The following SMAGP variants were observed in gnomAD, a reference collection of about 807,000 sequenced individuals.
The protein encoded by SMAGP is small cell transmembrane and glycosylated protein.
SMAGP carries 7 observed loss-of-function variants against 10.1 expected under a neutral mutation model. That is an observed-to-expected ratio of 0.70 (90% CI 0.40 to 1.31). The LOEUF is 1.31. Ranked by LOEUF, SMAGP falls within the 50% of genes most tolerant of loss-of-function variation. SMAGP has a pLI of 0.01. For synonymous variants in SMAGP, 49 were observed against 47.2 expected, an observed-to-expected ratio of 1.04 and a Z score of -0.16; for missense variants, 113 against 116.5, an observed-to-expected ratio of 0.97 and a Z score of 0.14.
intron 3 of SMAGP, chr12:51,246,466 C>T (rs1024698924): frequency 2.3e-6 from 1 of 429,248 alleles, no homozygotes; most frequent in East Asian, 3.6e-5. Context: ...CTTCCTCACC[C>T]ACTCAACCAA....
intron 2 of SMAGP, among the ~76,000 whole-genome samples, chr12:51,255,025 T>C (rs375099176): frequency 5.3e-5 from 8 of 152,146 alleles, no homozygotes; most frequent in African/African-American, 1.9e-4. Context: ...ATCAGATTTT[T>C]TTTATTATTT....
At chr12:51,258,984 CAAAAAAAAAAAA>C (rs35000436) in intron 2 of SMAGP, among the ~76,000 whole-genome samples, 2 of 50,978 alleles carry the variant, frequency 3.9e-5, no homozygotes, top group Admixed American at 3.0e-4. Context: ...CTGTCTCTAC[CAAAAAAAAAAAA>C]AAAAAAAAAA....
rs567969531 is a variant in SMAGP at position 51,247,473 on chromosome 12, G to A, written c.35-642C>T. ...TCTCCTCTACCCTAAAATAGATCCT[G>A]CACCCCCTCCTGCTACGGGTTTATT... On this transcript the variant is annotated intron_variant, in intron 2 of 3. Coordinates refer to ENST00000603798, the MANE Select transcript of SMAGP (RefSeq NM_001031628.2). 1.3e-3 allele frequency among the ~76,000 whole-genome samples: 192 copies of A among 152,098 alleles called. 1 individual carries two copies. The highest frequency in any genetic ancestry group is 4.0e-3 in the African/African-American group (168 of 41,504).
chr12:51,262,080 A>T (rs1435877215), intron 2 of SMAGP, among the ~76,000 whole-genome samples: 2 of 150,986 alleles, frequency 1.3e-5, no homozygotes, highest in Non-Finnish European at 3.0e-5. Flanking sequence ...CTCTCTGTGT[A>T]TTTTTTTTTA....
intron 2 of SMAGP, among the ~76,000 whole-genome samples, chr12:51,265,878 C>G (rs544511875): frequency 0.018 from 2,690 of 152,186 alleles, 84 homozygotes; most frequent in African/African-American, 0.061. Flanking sequence ...GTCAGGAGAT[C>G]AAGACCATCC....
chr12:51,246,465 C>A (rs538512656), intron 3 of SMAGP: 24 of 426,798 alleles, frequency 5.6e-5, no homozygotes, highest in African/African-American at 4.2e-4. Context: ...TCTTCCTCAC[C>A]CACTCAACCA....
At chr12:51,259,103 C>T (rs933445332) in intron 2 of SMAGP, among the ~76,000 whole-genome samples, 1 of 151,980 alleles carries the variant, frequency 6.6e-6, no homozygotes, top group Non-Finnish European at 1.5e-5. Context: ...CACTGCATGC[C>T]AGCCTGGCTG....
chr12:51,246,604 C>CTGTGTGTG (rs59561227), intron 3 of SMAGP, 147 bp downstream of exon 3: 9,504 of 337,666 alleles, frequency 0.028, 319 homozygotes, highest in African/African-American at 0.11. Flanking sequence ...TCTTTTATGG[C>CTGTGTGTG]TGTGTGTGTG....
At chr12:51,246,520 C>T (rs967550285) in intron 3 of SMAGP, 1 of 458,840 alleles carries the variant, frequency 2.2e-6, no homozygotes, top group Admixed American at 3.8e-5. Context: ...AGTGTAACGT[C>T]CGTATGCATA....
intron 3 of SMAGP, chr12:51,246,368 A>G: frequency 3.9e-6 from 2 of 511,618 alleles, no homozygotes; most frequent in Non-Finnish European, 3.4e-6. Flanking sequence ...CTGCCTCCCA[A>G]ACCAGTTCCT....
intron 2 of SMAGP, among the ~76,000 whole-genome samples, chr12:51,250,168 G>C (rs1054415196): frequency 7.1e-6 from 1 of 141,544 alleles, no homozygotes; most frequent in Non-Finnish European, 1.5e-5. Context: ...CCAGGAGTTT[G>C]AGACCAGCCT....
intron 2 of SMAGP, among the ~76,000 whole-genome samples, chr12:51,249,291 A>G (rs988894515): frequency 6.6e-6 from 1 of 152,150 alleles, no homozygotes; most frequent in African/African-American, 2.4e-5. Flanking sequence ...CAGCAAATTA[A>G]TTGAACTCCA....
At chr12:51,263,851 CTTTTAT>C (rs1162378502) in intron 2 of SMAGP, among the ~76,000 whole-genome samples, 1 of 151,914 alleles carries the variant, frequency 6.6e-6, no homozygotes, top group Non-Finnish European at 1.5e-5. Context: ...ATTTTCATTT[CTTTTAT>C]AATTAGAAGA....
chr12:51,249,407 G>A (rs932876060), intron 2 of SMAGP, among the ~76,000 whole-genome samples: 2 of 152,060 alleles, frequency 1.3e-5, no homozygotes, highest in Non-Finnish European at 2.9e-5. Context: ...AGCCTTGGGG[G>A]CCCAGACCTT....
Position 51,256,155 on chromosome 12 carries a change from C to G in SMAGP, c.35-9324G>C, listed in dbSNP as rs188614000. Among the ~76,000 whole-genome samples the G allele has an allele frequency of 9.9e-5, 15 of 152,186 alleles. No homozygotes were observed. In the East Asian group the frequency reaches 2.9e-3, roughly 29 times the overall value. On this transcript the variant is annotated intron_variant, in intron 2 of 3. Transcript: ENST00000603798. ...GTGAGATTCTGAATATAATCTGAAG[C>G]AAAGACGGACAGGATTGGATGTGGG...
At chr12:51,269,625 A>G (rs1018509598) in intron 1 of SMAGP, 3 of 228,782 alleles carry the variant, frequency 1.3e-5, no homozygotes, top group African/African-American at 6.7e-5. Flanking sequence ...AAGGTTCGCA[A>G]ATCAGCAGCG....
rs200401466 is a variant in SMAGP, at chr12:51,246,767, G to C, written c.99C>G (p.Ser33Arg). 6.3e-7 allele frequency: 1 copy of C among 1,588,418 alleles called. No individual in the cohort carries two copies. Among genetic ancestry groups the C allele is most frequent in the Non-Finnish European group, 8.6e-7 (1 of 1,167,542 alleles). Residue 33 changes from serine to arginine, a missense_variant, in exon 3 of 4, where the codon AGC (serine) becomes AGG (arginine). Physicochemically the swap from Ser to Arg is moderately radical, Grantham distance 110. Coordinates refer to ENST00000603798, the MANE Select transcript of SMAGP (RefSeq NM_001031628.2). Reference sequence around the variant, plus strand: ...GTCTATTACCTGCAATGAGTGCTGTGCTGGCTCCATCTTCTGGGGACAGGG... The same window carrying C: ...GTCTATTACCTGCAATGAGTGCTGTCCTGGCTCCATCTTCTGGGGACAGGG... Reference protein sequence around the residue: ...TEALSPEDGASTALIAVVITV... With the variant: ...TEALSPEDGARTALIAVVITV...
At chr12:51,257,285 A>G (rs992434634) in intron 2 of SMAGP, among the ~76,000 whole-genome samples, 73 of 152,328 alleles carry the variant, frequency 4.8e-4, no homozygotes, top group Middle Eastern at 3.4e-3. Flanking sequence ...CTGGCTGCAG[A>G]CAGCAGCAGA....
chr12:51,251,567 G>T (rs1047781188), intron 2 of SMAGP: 19 of 151,602 alleles, frequency 1.3e-4, no homozygotes, highest in Non-Finnish European at 2.8e-4. Flanking sequence ...CTCTAGTCTG[G>T]GTGACAGAGT....
Sources: allele counts gnomAD v4.1 joint callset (sites outside exome capture counted in the v4.1 genomes callset), GRCh38; gene constraint gnomAD v4.1.1; transcripts MANE v1.5; gene names NCBI Gene and HGNC (gene_info 2026-07-23, HGNC 2026-07-21).